SNTG1: variants seen among roughly 807,000 people sequenced by gnomAD.
SNTG1 encodes the protein syntrophin gamma 1.
A neutral mutation model predicts 74.7 loss-of-function variants in SNTG1; 39 were observed. The observed-to-expected ratio is 0.52, with a 90% CI of 0.40 to 0.68. The LOEUF (loss-of-function observed/expected upper bound fraction) is 0.68. Among genes scored for constraint, SNTG1 ranks in the 30% least tolerant of loss-of-function variants. SNTG1 has a pLI of 0.00. For synonymous variants in SNTG1, 254 were observed against 217.1 expected (o/e 1.17, Z -1.49); for missense variants, 685 against 609.5 (o/e 1.12, Z -1.30).
chr8:50,187,187 A>G (rs563042150), intron 2 of SNTG1, among the ~76,000 whole-genome samples: 5 of 152,148 alleles, frequency 3.3e-5, no homozygotes, highest in African/African-American at 1.2e-4. Flanking sequence ...ATATGGAACC[A>G]AAAAAGAGAT....
chr8:50,699,704 A>G (rs2095417073), intron 15 of SNTG1, among the ~76,000 whole-genome samples: 2 of 152,204 alleles, frequency 1.3e-5, no homozygotes, highest in Non-Finnish European at 2.9e-5. Context: ...TTGGCAAAAA[A>G]GTATTCTGGA....
chr8:50,458,032 C>G (rs2093523359), intron 8 of SNTG1: 1 of 152,178 alleles, frequency 6.6e-6, no homozygotes, highest in Non-Finnish European at 1.5e-5. Context: ...CTGTTGCAAA[C>G]AGGGTTCACC....
chr8:49,971,734 G>C (rs1811699083), intron 1 of SNTG1, among the ~76,000 whole-genome samples: 3 of 152,094 alleles, frequency 2.0e-5, no homozygotes, highest in South Asian at 2.1e-4. Flanking sequence ...GACAAACAGA[G>C]AGCCAAATCA....
intron 1 of SNTG1, among the ~76,000 whole-genome samples, chr8:49,977,353 T>A (rs967665074): frequency 1.3e-5 from 2 of 152,158 alleles, no homozygotes; most frequent in Admixed American, 6.5e-5. Flanking sequence ...CATTCCCATT[T>A]TGAACGCAGT....
chr8:50,772,612 T>C (rs1485062672), intron 18 of SNTG1, among the ~76,000 whole-genome samples: 1 of 152,082 alleles, frequency 6.6e-6, no homozygotes, highest in African/African-American at 2.4e-5. Context: ...TGATTGTATT[T>C]AGCATTGTAA....
At chr8:50,691,664 C>T (rs888494698) in intron 15 of SNTG1, among the ~76,000 whole-genome samples, 11 of 152,292 alleles carry the variant, frequency 7.2e-5, no homozygotes, top group African/African-American at 2.6e-4. Context: ...CAACCTTTCT[C>T]TCTGGCTGCC....
chr8:50,262,968 T>C (rs752866196), intron 2 of SNTG1, among the ~76,000 whole-genome samples: 1 of 152,100 alleles, frequency 6.6e-6, no homozygotes, highest in Non-Finnish European at 1.5e-5. Context: ...GAAGGGAGAA[T>C]TTTTAGTGCA....
chr8:50,788,633 C>G (rs1313516271), intron 18 of SNTG1, among the ~76,000 whole-genome samples: 3 of 151,854 alleles, frequency 2.0e-5, no homozygotes, highest in Non-Finnish European at 1.5e-5. Flanking sequence ...TTTTAAGGAG[C>G]AAGCAGAATG....
intron 4 of SNTG1, among the ~76,000 whole-genome samples, chr8:50,409,986 C>G (rs1009095753): frequency 1.3e-5 from 2 of 152,286 alleles, no homozygotes; most frequent in East Asian, 1.9e-4. Flanking sequence ...TTAAAATCAA[C>G]AGAACAACTT....
chr8:49,987,476 A>G (rs567022478), intron 1 of SNTG1, among the ~76,000 whole-genome samples: 17 of 152,094 alleles, frequency 1.1e-4, no homozygotes, highest in Non-Finnish European at 1.8e-4. Context: ...TCCAAAATCT[A>G]TTCTTGAAAT....
At chr8:50,046,058 A>G (rs1819058211) in intron 1 of SNTG1, among the ~76,000 whole-genome samples, 1 of 152,262 alleles carries the variant, frequency 6.6e-6, no homozygotes, top group African/African-American at 2.4e-5. Context: ...TAGACAATAC[A>G]TAAACAAATT....
At chr8:50,216,837 T>C (rs2084812252) in intron 2 of SNTG1, among the ~76,000 whole-genome samples, 1 of 152,094 alleles carries the variant, frequency 6.6e-6, no homozygotes, top group Non-Finnish European at 1.5e-5. Flanking sequence ...GATTACTGGA[T>C]GCATTTATTC....
intron 8 of SNTG1, among the ~76,000 whole-genome samples, chr8:50,461,542 T>C (rs1374621644): frequency 6.6e-6 from 1 of 152,190 alleles, no homozygotes; most frequent in Non-Finnish European, 1.5e-5. Flanking sequence ...TCTGATCATT[T>C]TGATAAATCA....
At chr8:50,507,700 A>G (rs1279322156) in intron 9 of SNTG1, among the ~76,000 whole-genome samples, 1 of 151,684 alleles carries the variant, frequency 6.6e-6, no homozygotes, top group South Asian at 2.1e-4. Context: ...TTTTTTAATT[A>G]TACTTTAAGT....
At chr8:50,291,383 G>A (rs757917399) in intron 2 of SNTG1, among the ~76,000 whole-genome samples, 5 of 152,004 alleles carry the variant, frequency 3.3e-5, no homozygotes, top group Admixed American at 6.6e-5. Flanking sequence ...TCTCCAAGGA[G>A]GGTTATTTGA....
At chr8:50,667,978 A>C (rs1262344687) in intron 15 of SNTG1, among the ~76,000 whole-genome samples, 3 of 151,976 alleles carry the variant, frequency 2.0e-5, no homozygotes, top group Non-Finnish European at 4.4e-5. Context: ...CAGGCCGTGC[A>C]CTTAGGTTTT....
chr8:50,583,289 T>C (rs1329731671), intron 12 of SNTG1, among the ~76,000 whole-genome samples: 2 of 149,958 alleles, frequency 1.3e-5, no homozygotes, highest in Non-Finnish European at 3.0e-5. Flanking sequence ...ATAATCCTAG[T>C]GACTTGGGAG....
At chr8:50,483,612 A>G (rs1423970843) in intron 8 of SNTG1, among the ~76,000 whole-genome samples, 1 of 152,158 alleles carries the variant, frequency 6.6e-6, no homozygotes, top group East Asian at 1.9e-4. Context: ...TCAGAATAGC[A>G]TGTTCAAATG....
At chr8:50,420,702 A>G (rs1418827746) in intron 4 of SNTG1, among the ~76,000 whole-genome samples, 7 of 152,052 alleles carry the variant, frequency 4.6e-5, no homozygotes, top group Admixed American at 4.6e-4. Flanking sequence ...TTCTCAATGT[A>G]TATAGAGAAA....
Sources: allele counts gnomAD v4.1 joint callset (sites outside exome capture counted in the v4.1 genomes callset), GRCh38; gene constraint gnomAD v4.1.1; transcripts MANE v1.5; gene names NCBI Gene and HGNC (gene_info 2026-07-23, HGNC 2026-07-21).